DNAH8: variants seen among roughly 807,000 people sequenced by gnomAD.
The protein encoded by DNAH8 is dynein axonemal heavy chain 8, also known as axonemal beta dynein heavy chain 8.
DNAH8 carries 382 observed loss-of-function variants against 562.1 expected under a neutral mutation model. That is an observed-to-expected ratio of 0.68 (90% CI 0.63 to 0.74). The LOEUF (loss-of-function observed/expected upper bound fraction) is 0.74. Among genes scored for constraint, DNAH8 ranks in the 30% least tolerant of loss-of-function variants. The pLI is 0.00. For synonymous variants in DNAH8, 1,881 were observed against 1,919.4 expected (o/e 0.98, Z 0.52); for missense variants, 5,203 against 5,620.4 (o/e 0.93, Z 2.37).
intron 88 of DNAH8, among the ~76,000 whole-genome samples, chr6:38,993,148 A>G (rs1209448707): frequency 6.6e-6 from 1 of 152,166 alleles, no homozygotes; most frequent in African/African-American, 2.4e-5. Context: ...GTCTTCCCCC[A>G]TTCCATATTG....
chr6:38,808,450 T>G (rs1738226), intron 24 of DNAH8, among the ~76,000 whole-genome samples: 44,553 of 152,098 alleles, frequency 0.29, 6,771 homozygotes, highest in Admixed American at 0.37. Flanking sequence ...TTAAATATAC[T>G]TTCTTGTGTT....
chr6:38,842,522 T>C lies in DNAH8; in HGVS notation c.4604+17T>C. 1 of 1,607,984 alleles carries C rather than the reference T, an allele frequency of 6.2e-7. No homozygotes were observed. Among genetic ancestry groups the C allele is most frequent in the Non-Finnish European group, 8.5e-7 (1 of 1,178,210 alleles). On this transcript the variant is annotated intron_variant, in intron 34 of 92. Transcript: ENST00000327475. ...TCAAAACAGGTGAGTTTCAATGGAA[T>C]TTTTTATAATGCCTGTCTTCTTAGG... is the stretch of plus-strand genomic sequence containing the variant.
At position 38,814,210 on chromosome 6, in the gene DNAH8, C is replaced by G. The variant is rs138327283; in HGVS notation, c.3333+81C>G. On this transcript the variant is annotated intron_variant, in intron 25 of 92. Coordinates refer to ENST00000327475, the MANE Select transcript of DNAH8 (RefSeq NM_001206927.2). ...TAGAACTGAGCTTTCATTTAGGTAA[C>G]ATTTTGGTCCTATGTCTTTTTTCAC... is the stretch of plus-strand genomic sequence containing the variant. The G allele has an allele frequency of 3.5e-4, 279 of 801,878 alleles. 1 individual carries two copies. The African/African-American group carries it at 4.5e-3, about 13-fold the overall frequency. The allele number at this position is 801,878 out of a possible 1,614,324, so 49.7% of individuals were successfully genotyped here.
intron 1 of DNAH8, among the ~76,000 whole-genome samples, 199 bp from the exon 2 acceptor site, chr6:38,722,577 G>GTGC (rs1491079737): frequency 6.6e-6 from 1 of 150,880 alleles, no homozygotes; most frequent in Admixed American, 6.6e-5. Context: ...CTCCCAGGTG[G>GTGC]GTGGGGGTGT....
In DNAH8 at chr6:38,862,342, C is replaced by CT; in HGVS notation, c.6195dup (p.Gly2066TrpfsTer50). On this transcript the variant is annotated frameshift_variant, in exon 44 of 93. Coordinates refer to ENST00000327475, the MANE Select transcript of DNAH8 (RefSeq NM_001206927.2). LOFTEE classifies it high-confidence loss of function. ...ATGGGAGGTGCTCCCGCAGGACCTG[C>CT]TGGCACTGGCAAAACAGAAACCACA... 5 of 1,614,148 alleles carry CT rather than the reference C, an allele frequency of 3.1e-6. No homozygotes were observed. The South Asian group carries it at 5.5e-5, about 18-fold the overall frequency.
intron 65 of DNAH8, 114 bp from the exon 66 acceptor site, chr6:38,911,354 C>A: frequency 2.4e-6 from 2 of 821,848 alleles, no homozygotes; most frequent in Non-Finnish European, 4.2e-6. Flanking sequence ...CAAGTCCTGT[C>A]TTCCTGCTAG....
At chr6:38,894,392 G>C (rs1178999132) in intron 58 of DNAH8, among the ~76,000 whole-genome samples, 1 of 152,146 alleles carries the variant, frequency 6.6e-6, no homozygotes, top group African/African-American at 2.4e-5. Context: ...AGTTCATATA[G>C]TCCTTAAGAA....
intron 41 of DNAH8, among the ~76,000 whole-genome samples, chr6:38,854,311 T>G (rs1419599019): frequency 6.6e-6 from 1 of 152,158 alleles, no homozygotes; most frequent in Admixed American, 6.5e-5. Context: ...AGTGATGATT[T>G]GTGATCTGGC....
At chr6:38,739,973 ATTGT>A (rs1420082357) in intron 7 of DNAH8, among the ~76,000 whole-genome samples, 6 of 152,306 alleles carry the variant, frequency 3.9e-5, no homozygotes, top group South Asian at 4.1e-4. Context: ...TCTCTGTTAA[ATTGT>A]TTAATAGTCC....
At chr6:38,805,627 C>A in intron 23 of DNAH8, 31 bp downstream of exon 23, 3 of 1,264,088 alleles carry the variant, frequency 2.4e-6, no homozygotes, top group South Asian at 1.2e-5. Context: ...TCATGCAATT[C>A]ACAGAATTAT....
intron 73 of DNAH8, among the ~76,000 whole-genome samples, chr6:38,925,683 G>A (rs1782062881): frequency 1.3e-5 from 2 of 152,026 alleles, no homozygotes; most frequent in South Asian, 2.1e-4. Context: ...AGCTATCAGG[G>A]GCTAATTGCC....
rs1380685447 is a variant in DNAH8, at chr6:38,860,508, A to G, written c.6010A>G (p.Arg2004Gly). 1 of 1,502,606 alleles carries G rather than the reference A, an allele frequency of 6.7e-7. No homozygotes were observed. The highest frequency in any genetic ancestry group is 2.5e-5 in the East Asian group (1 of 40,188). 93.1% of individuals were successfully genotyped at this position (1,502,606 alleles called of 1,614,324 possible). ...PTDFEWLKQSRFYFKEDLDQT... is the reference protein window; with the variant it reads ...PTDFEWLKQSGFYFKEDLDQT... Reference sequence around the variant, plus strand: ...TGACTTTGAATGGCTAAAACAGAGTAGATTTTATTTTAAGGAAGATTTGGA... The same window carrying G: ...TGACTTTGAATGGCTAAAACAGAGTGGATTTTATTTTAAGGAAGATTTGGA... Residue 2004 changes from arginine (R) to glycine (G), a missense_variant, in exon 43 of 93, where the codon AGA (arginine) becomes GGA (glycine). Physicochemically the swap from Arg to Gly is moderately radical, Grantham distance 125. Coordinates refer to ENST00000327475, the MANE Select transcript of DNAH8 (RefSeq NM_001206927.2).
intron 11 of DNAH8, among the ~76,000 whole-genome samples, chr6:38,768,652 C>T (rs560327848): frequency 6.6e-6 from 1 of 152,124 alleles, no homozygotes; most frequent in South Asian, 2.1e-4. Flanking sequence ...GGAATTTCCC[C>T]AATTTGTCTA....
chr6:38,969,412 C>T (rs1418626468), intron 82 of DNAH8, among the ~76,000 whole-genome samples: 3 of 152,010 alleles, frequency 2.0e-5, no homozygotes. Flanking sequence ...GGGGATAAAA[C>T]AGACAGTTAT....
chr6:39,015,574 C>T (rs1251751422), intron 91 of DNAH8, among the ~76,000 whole-genome samples: 1 of 152,128 alleles, frequency 6.6e-6, no homozygotes, highest in Non-Finnish European at 1.5e-5. Context: ...CCATGTAAGA[C>T]GTGCCTGCTT....
Position 38,988,045 on chromosome 6 carries a change from T to C in DNAH8, c.13054-1967T>C, listed in dbSNP as rs188413131. ...CACTACCTCCACTTTACCCTAACCA[T>C]GTCATCCAGAGTTGCCCATGGGAGA... On this transcript the variant is annotated intron_variant, in intron 87 of 92. Transcript: ENST00000327475. Among the ~76,000 whole-genome samples the C allele has an allele frequency of 1.6e-3, 250 of 152,292 alleles. 1 individual carries two copies. Among genetic ancestry groups the C allele is most frequent in the African/African-American group, 5.8e-3 (241 of 41,568 alleles).
intron 48 of DNAH8, among the ~76,000 whole-genome samples, chr6:38,868,647 C>T (rs1442185418): frequency 1.3e-5 from 2 of 152,068 alleles, no homozygotes; most frequent in Non-Finnish European, 1.5e-5. Flanking sequence ...GAGCATGCTG[C>T]TTTCATGCTT....
intron 8 of DNAH8, among the ~76,000 whole-genome samples, chr6:38,743,110 C>T (rs1426919219): frequency 6.8e-6 from 1 of 147,848 alleles, no homozygotes; most frequent in East Asian, 2.1e-4. Flanking sequence ...CTCAACCTTC[C>T]AGGCTTAAGC....
At position 38,953,526 on chromosome 6, in the gene DNAH8, C is replaced by T. The variant is rs114185330; in HGVS notation, c.12451+2006C>T. On this transcript the variant is annotated intron_variant, in intron 82 of 92. Transcript: ENST00000327475. ...TTTCTTGGTCCTACCTTACTTTTTCCAACAACAATCCAGGCTTCTATTGAT... is the reference window on the plus strand; with the variant it reads ...TTTCTTGGTCCTACCTTACTTTTTCTAACAACAATCCAGGCTTCTATTGAT... Among the ~76,000 whole-genome samples, 268 of 152,196 alleles carry T rather than the reference C, an allele frequency of 1.8e-3. 2 individuals are homozygous for T. The highest frequency in any genetic ancestry group is 6.0e-3 in the African/African-American group (250 of 41,528).
Sources: allele counts gnomAD v4.1 joint callset (sites outside exome capture counted in the v4.1 genomes callset), GRCh38; gene constraint gnomAD v4.1.1; transcripts MANE v1.5; gene names NCBI Gene and HGNC (gene_info 2026-07-23, HGNC 2026-07-21).